Variants in FAM83B observed in about 807,000 individuals in gnomAD.
FAM83B encodes scaffolding CK1 anchoring protein B.
FAM83B carries 26 observed loss-of-function variants against 38.8 expected under a neutral mutation model. The observed-to-expected ratio is 0.67, with a 90% CI of 0.49 to 0.93. The LOEUF (loss-of-function observed/expected upper bound fraction) is 0.93. Among genes scored for constraint, FAM83B ranks in the 40% least tolerant of loss-of-function variants. The pLI is 0.00. For synonymous variants in FAM83B, 419 were observed against 423.1 expected (o/e 0.99, Z 0.12); for missense variants, 1,237 against 1,197.3 (o/e 1.03, Z -0.49).
At chr6:54,883,891 T>C (rs1369421077) in intron 2 of FAM83B, among the ~76,000 whole-genome samples, 1 of 151,930 alleles carries the variant, frequency 6.6e-6, no homozygotes, top group African/African-American at 2.4e-5. Context: ...TACTTGCAGC[T>C]GAGTGCAGTG....
chr6:54,889,778 T>C (rs1772359727), intron 2 of FAM83B, among the ~76,000 whole-genome samples: 1 of 152,078 alleles, frequency 6.6e-6, no homozygotes, highest in Non-Finnish European at 1.5e-5. Context: ...TTCATAAACT[T>C]AGAGAATGAA....
chr6:54,940,814 C>T lies in FAM83B; in HGVS notation c.1843C>T (p.Gln615Ter), dbSNP rs1773663678. Reference sequence around the variant, plus strand: ...AGAGGCACCAAAAATGCACACCTTGCAGGTTCCTGAAAACCACTCAGTAGC... The same window carrying T: ...AGAGGCACCAAAAATGCACACCTTGTAGGTTCCTGAAAACCACTCAGTAGC... ...QSEAPKMHTL[Q>*]VPENHSVALN... The change falls in exon 5 of 5, where the codon CAG becomes TAG. Residue 615 changes from glutamine to a stop codon, truncating the protein, a stop_gained. Coordinates refer to ENST00000306858, the MANE Select transcript of FAM83B (RefSeq NM_001010872.3). LOFTEE classifies it high-confidence loss of function. 6.2e-7 allele frequency: 1 copy of T among 1,614,038 alleles called. No individual in the cohort carries two copies. The highest frequency in any genetic ancestry group is 8.5e-7 in the Non-Finnish European group (1 of 1,180,018).
intron 2 of FAM83B, among the ~76,000 whole-genome samples, chr6:54,885,068 G>A (rs1380363426): frequency 6.6e-6 from 1 of 152,004 alleles, no homozygotes; most frequent in Non-Finnish European, 1.5e-5. Flanking sequence ...CACTGCGCCC[G>A]GCCCAGTAAC....
intron 4 of FAM83B, among the ~76,000 whole-genome samples, chr6:54,929,068 T>C (rs1773369702): frequency 6.6e-6 from 1 of 152,178 alleles, no homozygotes; most frequent in Non-Finnish European, 1.5e-5. Context: ...TTATCACAAC[T>C]CTTAACTAAC....
chr6:54,927,728 T>TA (rs1049777485), intron 4 of FAM83B, 96 bp downstream of exon 4: 22,428 of 99,252 alleles, frequency 0.23, 4,542 homozygotes, highest in East Asian at 0.65. Context: ...TTCTTAAAAG[T>TA]AAAAAAAAAA....
At chr6:54,936,963 A>G (rs1172334418) in intron 4 of FAM83B, among the ~76,000 whole-genome samples, 3 of 146,574 alleles carry the variant, frequency 2.0e-5, no homozygotes, top group East Asian at 4.0e-4. Context: ...CTATAGGCAT[A>G]CTAGATAAAA....
At chr6:54,865,247 C>G (rs145223007) in intron 1 of FAM83B, among the ~76,000 whole-genome samples, 35 of 152,248 alleles carry the variant, frequency 2.3e-4, no homozygotes, top group African/African-American at 8.2e-4. Flanking sequence ...AGGGGAGAAT[C>G]TGTTCCATGC....
chr6:54,858,999 A>G (rs1388337784), intron 1 of FAM83B, among the ~76,000 whole-genome samples: 1 of 152,140 alleles, frequency 6.6e-6, no homozygotes, highest in Non-Finnish European at 1.5e-5. Flanking sequence ...AAGCAAATAT[A>G]TGTTCAGATA....
rs764554803 is a variant in FAM83B, at chr6:54,927,579, G to T, written c.681G>T (p.Met227Ile). 2 of 1,608,446 alleles carry T rather than the reference G, an allele frequency of 1.2e-6. No homozygotes were observed. Among genetic ancestry groups the T allele is most frequent in the East Asian group, 2.2e-5 (1 of 44,652 alleles). ...SKTGAKFHGKMEQKFLLVDCQ... is the reference protein window; with the variant it reads ...SKTGAKFHGKIEQKFLLVDCQ... ...CAGGGGCAAAATTCCATGGAAAAAT[G>T]GAACAGAAATTTTTGTTAGTTGACT... The change falls in exon 4 of 5, where the codon ATG becomes ATT. Residue 227 changes from methionine to isoleucine, a missense_variant. Physicochemically the swap from Met to Ile is conservative, Grantham distance 10. Coordinates refer to ENST00000306858, the MANE Select transcript of FAM83B (RefSeq NM_001010872.3).
chr6:54,856,735 A>G (rs1771454760), intron 1 of FAM83B, among the ~76,000 whole-genome samples: 1 of 152,194 alleles, frequency 6.6e-6, no homozygotes, highest in African/African-American at 2.4e-5. Context: ...TTCTGGGGTA[A>G]CATAAAGAGA....
intron 2 of FAM83B, among the ~76,000 whole-genome samples, chr6:54,897,796 A>G (rs187416731): frequency 2.0e-5 from 3 of 152,326 alleles, no homozygotes; most frequent in Admixed American, 1.3e-4. Context: ...GGGATTAGAT[A>G]AGCATAAAAT....
chr6:54,859,401 C>G (rs1185012568), intron 1 of FAM83B, among the ~76,000 whole-genome samples: 1 of 152,110 alleles, frequency 6.6e-6, no homozygotes, highest in African/African-American at 2.4e-5. Context: ...TTAGCAGTCT[C>G]TAGTTTAGAC....
intron 2 of FAM83B, among the ~76,000 whole-genome samples, chr6:54,909,454 A>C (rs991897976): frequency 6.6e-6 from 1 of 152,194 alleles, no homozygotes; most frequent in African/African-American, 2.4e-5. Context: ...ATACCATGAG[A>C]GATTTCTGAG....
chr6:54,941,705 C>T lies in FAM83B; in HGVS notation c.2734C>T (p.Pro912Ser). 3.7e-6 allele frequency: 6 copies of T among 1,613,996 alleles called. No homozygotes were observed. Among genetic ancestry groups the T allele is most frequent in the Non-Finnish European group, 5.1e-6 (6 of 1,179,950 alleles). ...TGCAGTTGTTACCCCTGAAAGAAGA[C>T]CTACTTCTTCTCCAAGGCCAACGTC... ...INAVVTPERR[P>S]TSSPRPTSSE... The change falls in exon 5 of 5, where the codon CCT (proline) becomes TCT (serine). Residue 912 changes from proline (P) to serine (S), a missense_variant. Coordinates refer to ENST00000306858, the MANE Select transcript of FAM83B (RefSeq NM_001010872.3).
chr6:54,922,065 G>A (rs1043178094), intron 2 of FAM83B, among the ~76,000 whole-genome samples: 12 of 152,006 alleles, frequency 7.9e-5, no homozygotes, highest in Non-Finnish European at 1.8e-4. Flanking sequence ...CTAGTCTTCT[G>A]GATGCTGATC....
intron 1 of FAM83B, among the ~76,000 whole-genome samples, chr6:54,849,166 G>A (rs914774430): frequency 1.3e-5 from 2 of 152,174 alleles, no homozygotes; most frequent in East Asian, 1.9e-4. Context: ...TAAGGATGCC[G>A]TAGATAAAAA....
intron 1 of FAM83B, among the ~76,000 whole-genome samples, chr6:54,849,109 C>T (rs1771206724): frequency 6.6e-6 from 1 of 152,146 alleles, no homozygotes; most frequent in African/African-American, 2.4e-5. Context: ...ACATCCGCTC[C>T]CCCATGGAAA....
intron 1 of FAM83B, among the ~76,000 whole-genome samples, chr6:54,848,797 G>A (rs772360366): frequency 1.3e-5 from 2 of 152,084 alleles, no homozygotes; most frequent in Admixed American, 6.5e-5. Flanking sequence ...CCATCAAAGC[G>A]GGACTCTTCT....
intron 2 of FAM83B, among the ~76,000 whole-genome samples, chr6:54,917,455 A>G (rs1311060721): frequency 6.6e-6 from 1 of 152,166 alleles, no homozygotes; most frequent in Non-Finnish European, 1.5e-5. Flanking sequence ...TCTTCTTTAC[A>G]TAATTAAATT....
Sources: gnomAD v4.1 joint callset for allele counts (sites outside exome capture counted in the v4.1 genomes callset) on GRCh38, gnomAD v4.1.1 for gene constraint, MANE v1.5 for transcripts, NCBI Gene and HGNC (gene_info 2026-07-23, HGNC 2026-07-21) for gene names.